Variants in SLC24A3 observed in about 807,000 individuals in gnomAD.
SLC24A3 encodes sodium/potassium/calcium exchanger 3.
SLC24A3 carries 28 observed loss-of-function variants against 75.8 expected under a neutral mutation model. The observed-to-expected ratio is 0.37, with a 90% CI of 0.27 to 0.51. The LOEUF (loss-of-function observed/expected upper bound fraction) is 0.51. Ranked by LOEUF, SLC24A3 falls within the 20% of genes least tolerant of loss-of-function variation. The probability of loss-of-function intolerance (pLI) is 0.94; values close to 1 mark genes in which losing one functional copy is unlikely to be tolerated. For missense variants in SLC24A3, 663 were observed against 847.8 expected (o/e 0.78, Z 2.71); for synonymous variants, 372 against 334.1 (o/e 1.11, Z -1.24).
At chr20:19,318,908 T>C (rs574377184) in intron 2 of SLC24A3, among the ~76,000 whole-genome samples, 1 of 152,268 alleles carries the variant, frequency 6.6e-6, no homozygotes, top group South Asian at 2.1e-4. Flanking sequence ...ATGATGCTTT[T>C]TTTTCTCCTT....
chr20:19,602,816 C>A (rs551016262), intron 6 of SLC24A3, among the ~76,000 whole-genome samples: 1 of 152,310 alleles, frequency 6.6e-6, no homozygotes, highest in Non-Finnish European at 1.5e-5. Context: ...GACTCTCTCT[C>A]TGCGCTAATG....
Position 19,521,812 on chromosome 20 carries a change from G to T in SLC24A3, c.348+6248G>T, listed in dbSNP as rs138761160. Among the ~76,000 whole-genome samples, 26 of 152,304 alleles carry T rather than the reference G, an allele frequency of 1.7e-4. No individual in the cohort carries two copies. In the East Asian group the frequency reaches 4.4e-3, roughly 26 times the overall value. On this transcript the variant is annotated intron_variant, in intron 3 of 16. Coordinates refer to ENST00000328041, the MANE Select transcript of SLC24A3 (RefSeq NM_020689.4). ...TAATGATGCAGTAGCCAGTTCTTAG[G>T]GGGCAGAAGACCAGGGTCCTGGCAG...
chr20:19,563,129 G>A (rs936896259), intron 3 of SLC24A3, among the ~76,000 whole-genome samples: 10 of 152,096 alleles, frequency 6.6e-5, no homozygotes, highest in East Asian at 1.9e-4. Flanking sequence ...AAATTAATCC[G>A]CACAACTGAA....
At chr20:19,291,016 A>G (rs16980301) in intron 2 of SLC24A3, among the ~76,000 whole-genome samples, 9,091 of 152,268 alleles carry the variant, frequency 0.06, 600 homozygotes, top group African/African-American at 0.17. Flanking sequence ...TATTGAAGTC[A>G]ACAGGGAATG....
At chr20:19,621,603 T>G (rs935706327) in intron 6 of SLC24A3, among the ~76,000 whole-genome samples, 13 of 152,184 alleles carry the variant, frequency 8.5e-5, no homozygotes, top group African/African-American at 3.1e-4. Context: ...GACCAATGTC[T>G]CTCCCATTTT....
intron 2 of SLC24A3, among the ~76,000 whole-genome samples, chr20:19,425,669 G>C (rs1301476305): frequency 6.6e-6 from 1 of 152,142 alleles, no homozygotes; most frequent in Admixed American, 6.5e-5. Flanking sequence ...AATTAAGGGA[G>C]ATTTTACAGT....
chr20:19,398,507 T>C (rs750570953), intron 2 of SLC24A3, among the ~76,000 whole-genome samples: 4 of 152,326 alleles, frequency 2.6e-5, no homozygotes, highest in Admixed American at 6.5e-5. Flanking sequence ...AAAAATGTGA[T>C]AGATTTTTGC....
intron 1 of SLC24A3, among the ~76,000 whole-genome samples, chr20:19,252,321 A>G (rs1183505465): frequency 1.3e-5 from 2 of 152,196 alleles, no homozygotes; most frequent in African/African-American, 4.8e-5. Context: ...AGGGGCAGAT[A>G]GGAGGCAGGG....
intron 1 of SLC24A3, among the ~76,000 whole-genome samples, chr20:19,229,230 TTA>T (rs1346982060): frequency 1.3e-5 from 2 of 152,180 alleles, no homozygotes; most frequent in African/African-American, 4.8e-5. Flanking sequence ...ACGTATATGT[TTA>T]TTTTTTTCAT....
At chr20:19,321,445 G>A (rs1021944351) in intron 2 of SLC24A3, among the ~76,000 whole-genome samples, 7 of 152,054 alleles carry the variant, frequency 4.6e-5, no homozygotes, top group African/African-American at 7.2e-5. Flanking sequence ...AACATGAATC[G>A]GTGAAGACAG....
intron 2 of SLC24A3, among the ~76,000 whole-genome samples, chr20:19,347,570 A>C (rs376645092): frequency 1.3e-5 from 2 of 152,242 alleles, no homozygotes; most frequent in Non-Finnish European, 1.5e-5. Context: ...AATGACAAGA[A>C]AAAAATTATG....
At chr20:19,375,376 C>T (rs1207856188) in intron 2 of SLC24A3, among the ~76,000 whole-genome samples, 1 of 152,188 alleles carries the variant, frequency 6.6e-6, no homozygotes, top group South Asian at 2.1e-4. Context: ...AGAAAACTCA[C>T]TGGCCCTCCC....
intron 7 of SLC24A3, among the ~76,000 whole-genome samples, chr20:19,656,689 A>G (rs1273750742): frequency 6.6e-6 from 1 of 152,190 alleles, no homozygotes; most frequent in Non-Finnish European, 1.5e-5. Context: ...GCTGAATTCC[A>G]GAAGGAGACG....
rs548402001 is a variant in SLC24A3, at chr20:19,464,453, C to T, written c.272-51035C>T. On this transcript the variant is annotated intron_variant, in intron 2 of 16. Coordinates refer to ENST00000328041, the MANE Select transcript of SLC24A3 (RefSeq NM_020689.4). ...GAGGTTGTGGATTTGAGCCCATTCA[C>T]GTGCATGCTCACAAAGCCAGGACCG... is the stretch of plus-strand genomic sequence containing the variant. Among the ~76,000 whole-genome samples, 6 of 152,266 alleles carry T rather than the reference C, an allele frequency of 3.9e-5. No individual in the cohort carries two copies. In the East Asian group the frequency reaches 5.8e-4, roughly 15 times the overall value.
chr20:19,693,498 T>G (rs6136812), intron 13 of SLC24A3, 73 bp downstream of exon 13: 66,162 of 1,555,048 alleles, frequency 0.043, 3,126 homozygotes, highest in African/African-American at 0.21. Flanking sequence ...GAGTCAGGGT[T>G]TCAGCCGATA....
At chr20:19,437,436 G>T (rs1458242082) in intron 2 of SLC24A3, among the ~76,000 whole-genome samples, 2 of 152,214 alleles carry the variant, frequency 1.3e-5, no homozygotes, top group Non-Finnish European at 2.9e-5. Flanking sequence ...CCCCAGCCAT[G>T]CGGAACTGTG....
intron 1 of SLC24A3, among the ~76,000 whole-genome samples, chr20:19,252,645 G>GGT (rs546540994): frequency 6.0e-5 from 9 of 149,732 alleles, no homozygotes; most frequent in East Asian, 2.0e-4. Flanking sequence ...TGGAATGGCG[G>GGT]GGGGGGGTGC....
chr20:19,433,046 G>A (rs1478995624), intron 2 of SLC24A3, among the ~76,000 whole-genome samples: 1 of 152,132 alleles, frequency 6.6e-6, no homozygotes, highest in Non-Finnish European at 1.5e-5. Flanking sequence ...CATTATTCAG[G>A]TAGTTCCAGT....
intron 1 of SLC24A3, among the ~76,000 whole-genome samples, chr20:19,232,580 T>C (rs1007099649): frequency 1.3e-5 from 2 of 152,244 alleles, no homozygotes; most frequent in African/African-American, 4.8e-5. Context: ...CCTTTGTGCA[T>C]GAGTCTGCTG....
Sources: allele counts gnomAD v4.1 joint callset (sites outside exome capture counted in the v4.1 genomes callset), GRCh38; gene constraint gnomAD v4.1.1; transcripts MANE v1.5; gene names NCBI Gene and HGNC (gene_info 2026-07-23, HGNC 2026-07-21).